Variants in ADARB2 observed in about 807,000 individuals in gnomAD.
The protein encoded by ADARB2 is inactive double-stranded RNA-specific editase B2.
A neutral mutation model predicts 62.2 loss-of-function variants in ADARB2; 25 were observed. The ratio of observed to expected loss-of-function variants is 0.40; its 90% confidence interval spans 0.29 to 0.56. ADARB2 has a LOEUF of 0.56. ADARB2 is among the 20% of genes least tolerant of loss of function. ADARB2 has a pLI of 0.43. For synonymous variants in ADARB2, 572 were observed against 500.8 expected, an observed-to-expected ratio of 1.14 and a Z score of -1.90; for missense variants, 1,071 against 1,077.4, an observed-to-expected ratio of 0.99 and a Z score of 0.08.
chr10:1,736,924 A>G, intron 1 of ADARB2, 127 bp downstream of exon 1: 4 of 916,992 alleles, frequency 4.4e-6, no homozygotes, highest in Non-Finnish European at 1.7e-6. Context: ...TGCACGGAGC[A>G]GCCATCCCGC....
At chr10:1,337,062 C>CTCTGTGTGTTTGTGTGTG (rs1554755014) in intron 3 of ADARB2, among the ~76,000 whole-genome samples, 4 of 142,048 alleles carry the variant, frequency 2.8e-5, no homozygotes, top group Admixed American at 1.4e-4. Context: ...TTAAAGATTT[C>CTCTGTGTGTTTGTGTGTG]TGTGTGTGTG....
chr10:1,248,815 G>A (rs1229007554), intron 4 of ADARB2, among the ~76,000 whole-genome samples: 1 of 152,196 alleles, frequency 6.6e-6, no homozygotes, highest in Non-Finnish European at 1.5e-5. Flanking sequence ...TAGAATAAGT[G>A]GAAAAGCTGG....
chr10:1,383,442 A>G, intron 1 of ADARB2, among the ~76,000 whole-genome samples: 1 of 152,146 alleles, frequency 6.6e-6, no homozygotes, highest in East Asian at 1.9e-4. Flanking sequence ...GATTAAAAAA[A>G]AAAAAGCGAT....
At chr10:1,317,377 C>A (rs907046402) in intron 3 of ADARB2, among the ~76,000 whole-genome samples, 2 of 152,214 alleles carry the variant, frequency 1.3e-5, no homozygotes, top group Non-Finnish European at 2.9e-5. Context: ...ATAATCTCCA[C>A]GAGCCTGACA....
intron 1 of ADARB2, among the ~76,000 whole-genome samples, chr10:1,479,232 G>A (rs966155156): frequency 6.6e-6 from 1 of 152,190 alleles, no homozygotes; most frequent in African/African-American, 2.4e-5. Flanking sequence ...GGGACTGTTT[G>A]GAGTGAGGAC....
chr10:1,586,265 CT>C (rs1238278992), intron 1 of ADARB2, among the ~76,000 whole-genome samples: 1 of 152,180 alleles, frequency 6.6e-6, no homozygotes, highest in Non-Finnish European at 1.5e-5. Context: ...CAACCCAGTT[CT>C]TCTGACCCCA....
chr10:1,189,960 A>G (rs768105425), intron 8 of ADARB2, among the ~76,000 whole-genome samples: 9 of 151,894 alleles, frequency 5.9e-5, no homozygotes, highest in Non-Finnish European at 1.0e-4. Flanking sequence ...CTCCTTCCCC[A>G]GTTCACAGCA....
intron 1 of ADARB2, among the ~76,000 whole-genome samples, chr10:1,638,446 A>G (rs1268109294): frequency 6.6e-6 from 1 of 152,246 alleles, no homozygotes; most frequent in Non-Finnish European, 1.5e-5. Context: ...AAGCTTTCTT[A>G]AACAGTTTGA....
chr10:1,199,773 C>A, intron 8 of ADARB2, 193 bp downstream of exon 8: 1 of 570,112 alleles, frequency 1.8e-6, no homozygotes, highest in African/African-American at 1.9e-5. Flanking sequence ...AGGACCTGGC[C>A]TATTGCTATA....
chr10:1,588,338 G>A (rs939224229), intron 1 of ADARB2, among the ~76,000 whole-genome samples: 8 of 152,250 alleles, frequency 5.3e-5, no homozygotes, highest in South Asian at 2.1e-4. Flanking sequence ...TATCTGCAGC[G>A]GGTCCAACAA....
At chr10:1,671,563 C>T (rs1199025875) in intron 1 of ADARB2, among the ~76,000 whole-genome samples, 1 of 152,184 alleles carries the variant, frequency 6.6e-6, no homozygotes, top group Non-Finnish European at 1.5e-5. Context: ...ACAGGGCCAA[C>T]TTGCCCATGG....
chr10:1,233,665 C>T, intron 6 of ADARB2, 29 bp downstream of exon 6: 1 of 1,588,320 alleles, frequency 6.3e-7, no homozygotes, highest in Non-Finnish European at 8.6e-7. Context: ...GGCTGTTGGC[C>T]TACAGAAGGT....
At chr10:1,503,410 T>C (rs11594167) in intron 1 of ADARB2, among the ~76,000 whole-genome samples, 1 of 151,410 alleles carries the variant, frequency 6.6e-6, no homozygotes, top group Non-Finnish European at 1.5e-5. Context: ...GGTCTCATAC[T>C]TCTGGTCTCC....
Position 1,178,584 on chromosome 10 carries a change from C to T in ADARB2, c.*4609G>A, listed in dbSNP as rs1381906610. On this transcript the variant is annotated 3_prime_UTR_variant, in exon 10 of 10. Transcript: ENST00000381312. ...GCCTACACCGTGTCCTCCAGCCACC[C>T]GCCTAGCCCCACACAGTGGCAAAAT... 6 of 152,404 alleles carry T rather than the reference C, an allele frequency of 3.9e-5. No homozygotes were observed. Among genetic ancestry groups the T allele is most frequent in the Non-Finnish European group, 7.3e-5 (5 of 68,088 alleles). The allele number at this position is 152,404 out of a possible 1,614,324, so 9.4% of individuals were successfully genotyped here.
intron 4 of ADARB2, among the ~76,000 whole-genome samples, chr10:1,244,522 G>T (rs1330933471): frequency 2.0e-5 from 3 of 152,166 alleles, no homozygotes; most frequent in Non-Finnish European, 2.9e-5. Context: ...AGCTCCGTTT[G>T]GCTCCAGACT....
intron 1 of ADARB2, among the ~76,000 whole-genome samples, chr10:1,599,059 G>A (rs1390874652): frequency 6.6e-6 from 1 of 152,252 alleles, no homozygotes; most frequent in Non-Finnish European, 1.5e-5. Flanking sequence ...ATGTTAACGG[G>A]AGGACTCAAA....
chr10:1,404,877 C>T (rs1832693797), intron 1 of ADARB2, among the ~76,000 whole-genome samples: 1 of 152,214 alleles, frequency 6.6e-6, no homozygotes, highest in African/African-American at 2.4e-5. Flanking sequence ...GTGAATTCCC[C>T]GGGAGCTCAC....
At chr10:1,320,723 A>C (rs1831787461) in intron 3 of ADARB2, among the ~76,000 whole-genome samples, 1 of 152,234 alleles carries the variant, frequency 6.6e-6, no homozygotes, top group South Asian at 2.1e-4. Context: ...ATTTTTCTAT[A>C]ATGAGAGATG....
chr10:1,571,394 G>A lies in ADARB2; in HGVS notation c.100+165657C>T, dbSNP rs371409244. ...TATAGTTTATTTCAATCATGTTTGT[G>A]TTCTGTGATATTTTCTCATTATAAA... On this transcript the variant is annotated intron_variant, in intron 1 of 9. Coordinates refer to ENST00000381312, the MANE Select transcript of ADARB2 (RefSeq NM_018702.4). 5.7e-4 allele frequency among the ~76,000 whole-genome samples: 87 copies of A among 152,062 alleles called. 1 individual carries two copies. The highest frequency in any genetic ancestry group is 3.4e-3 in the Middle Eastern group (1 of 294).
Sources: gnomAD v4.1 joint callset for allele counts (sites outside exome capture counted in the v4.1 genomes callset) on GRCh38, gnomAD v4.1.1 for gene constraint, MANE v1.5 for transcripts, NCBI Gene and HGNC (gene_info 2026-07-23, HGNC 2026-07-21) for gene names.